The following LHX2 variants were observed in gnomAD, a reference collection of about 807,000 sequenced individuals.
LHX2 encodes LIM homeobox 2, also known as LIM/homeobox protein Lhx2.
In LHX2, 6 loss-of-function variants were observed where a neutral mutation model predicts 33.0. The ratio of observed to expected loss-of-function variants is 0.18; its 90% CI spans 0.10 to 0.36. The LOEUF is 0.36. LHX2 is among the 10% of genes least tolerant of loss of function. LHX2 has a pLI of 1.00. For synonymous variants in LHX2, 292 were observed against 253.1 expected (o/e 1.15, Z -1.46); for missense variants, 442 against 586.2 (o/e 0.75, Z 2.54).
Position 124,016,781 on chromosome 9 carries a change from G to A in LHX2, c.727+1256G>A, listed in dbSNP as rs933376350. Among the ~76,000 whole-genome samples, 13 of 152,042 alleles carry A rather than the reference G, an allele frequency of 8.6e-5. No individual in the cohort carries two copies. Among genetic ancestry groups the A allele is most frequent in the Admixed American group, 3.9e-4 (6 of 15,280 alleles). On this transcript the variant is annotated intron_variant, in intron 3 of 4. Transcript: ENST00000373615. The surrounding 1 kb of genome is among the most constrained non-coding windows in gnomAD (Gnocchi z 4.4). ...GCAGCGGTAGGCCGGTCGGTGGCGC[G>A]GATTTAAGATTTGCTGAAGGCACTA...
chr9:124,019,537 T>C (rs561843554), intron 3 of LHX2, among the ~76,000 whole-genome samples: 1 of 152,374 alleles, frequency 6.6e-6, no homozygotes, highest in African/African-American at 2.4e-5. Flanking sequence ...GAATTTTAGA[T>C]AAATGACAAT....
At chr9:124,030,274 G>A (rs1828688811) in intron 4 of LHX2, among the ~76,000 whole-genome samples, 1 of 152,248 alleles carries the variant, frequency 6.6e-6, no homozygotes, top group African/African-American at 2.4e-5. Flanking sequence ...GGGGTGCGTG[G>A]GGCCAGGAGT....
chr9:124,017,228 TTCTCTCTA>T (rs1349344676), intron 3 of LHX2, among the ~76,000 whole-genome samples: 4 of 152,134 alleles, frequency 2.6e-5, no homozygotes, highest in Non-Finnish European at 5.9e-5. Context: ...TCTCCGTCCT[TTCTCTCTA>T]TCTCTGTCTC....
chr9:124,032,752 A>G lies in LHX2; in HGVS notation c.*45A>G. The G allele has an allele frequency of 3.3e-6, 5 of 1,504,806 alleles. No individual in the cohort carries two copies. The highest frequency in any genetic ancestry group is 4.5e-6 in the Non-Finnish European group (5 of 1,120,764). The allele number at this position is 1,504,806 out of a possible 1,614,324, so 93.2% of individuals were successfully genotyped here. A position where few individuals can be genotyped will look rare whatever the true frequency, so the allele number is the denominator to read the frequency against. On this transcript the variant is annotated 3_prime_UTR_variant, in exon 5 of 5. Transcript: ENST00000373615. This position sits in a 1 kb window ranked among gnomAD's most constrained non-coding sequence, Gnocchi z 4.1. ...CCACAATTTCTTTAAAAAAGAAATTATCTTTAGTTGAATTCCAAGTGTATT... is the reference window on the plus strand; with the variant it reads ...CCACAATTTCTTTAAAAAAGAAATTGTCTTTAGTTGAATTCCAAGTGTATT...
chr9:124,020,393 C>T (rs569374411), intron 3 of LHX2, among the ~76,000 whole-genome samples: 2 of 152,146 alleles, frequency 1.3e-5, no homozygotes, highest in African/African-American at 4.8e-5. Context: ...TACAGGGTAG[C>T]GATGAGGATT....
chr9:124,012,378 G>A lies in LHX2; in HGVS notation c.30G>A (p.Glu10=). MLFHSLSGP[E]VHGVIDEMDR... ...TGTTCCACAGTCTGTCGGGCCCCGA[G>A]GTGCACGGGGTCATCGACGAGATGG... Residue 10 remains glutamate (E), a synonymous_variant, in exon 1 of 5, where the codon GAG becomes GAA. Coordinates refer to ENST00000373615, the MANE Select transcript of LHX2 (RefSeq NM_004789.4). This position sits in a 1 kb window ranked among gnomAD's most constrained non-coding sequence, Gnocchi z 4.3. The A allele has an allele frequency of 6.5e-7, 1 of 1,527,448 alleles. No homozygotes were observed. The highest frequency in any genetic ancestry group is 8.8e-7 in the Non-Finnish European group (1 of 1,141,864). The allele number at this position is 1,527,448 out of a possible 1,614,324, so 94.6% of individuals were successfully genotyped here.
chr9:124,025,871 G>A (rs914064927), intron 4 of LHX2, among the ~76,000 whole-genome samples: 1 of 152,094 alleles, frequency 6.6e-6, no homozygotes, highest in African/African-American at 2.4e-5. Flanking sequence ...TGTAGTCCCA[G>A]GTACTCGGGA....
At chr9:124,029,462 C>G (rs1366578098) in intron 4 of LHX2, among the ~76,000 whole-genome samples, 1 of 152,128 alleles carries the variant, frequency 6.6e-6, no homozygotes, top group Non-Finnish European at 1.5e-5. Context: ...CCACACAACC[C>G]CAGAGCAGCC....
chr9:124,025,385 G>T (rs4240484), intron 4 of LHX2, among the ~76,000 whole-genome samples: 3 of 148,284 alleles, frequency 2.0e-5, no homozygotes, highest in Non-Finnish European at 3.0e-5. Flanking sequence ...AGCTTGCAGT[G>T]AGCCAAGATT....
At chr9:124,024,353 C>G (rs1047864223) in intron 4 of LHX2, among the ~76,000 whole-genome samples, 3 of 152,268 alleles carry the variant, frequency 2.0e-5, no homozygotes, top group African/African-American at 7.2e-5. Context: ...GATACAGGAG[C>G]CAGGCATTGG....
At position 124,012,386 on chromosome 9, in the gene LHX2, G is replaced by A. The variant is rs1425252450; in HGVS notation, c.38G>A (p.Gly13Glu). 6.5e-7 allele frequency: 1 copy of A among 1,531,734 alleles called. No individual in the cohort carries two copies. The highest frequency in any genetic ancestry group is 8.7e-7 in the Non-Finnish European group (1 of 1,143,918). The allele number at this position is 1,531,734 out of a possible 1,614,324, so 94.9% of individuals were successfully genotyped here. A position where few individuals can be genotyped will look rare whatever the true frequency, so the allele number is the denominator to read the frequency against. Reference protein sequence around the residue: ...FHSLSGPEVHGVIDEMDRRAK... With the variant: ...FHSLSGPEVHEVIDEMDRRAK... ...AGTCTGTCGGGCCCCGAGGTGCACGGGGTCATCGACGAGATGGACCGCAGG... is the reference window on the plus strand; with the variant it reads ...AGTCTGTCGGGCCCCGAGGTGCACGAGGTCATCGACGAGATGGACCGCAGG... Residue 13 changes from glycine (G) to glutamate (E), a missense_variant, in exon 1 of 5, where the codon GGG becomes GAG. By Grantham distance (98) the Gly-to-Glu change is moderately conservative (BLOSUM62 -2). This residue lies in a region of LHX2 where 97 missense variants were observed against 81.5 expected (regional missense o/e 1.19). Coordinates refer to ENST00000373615, the MANE Select transcript of LHX2 (RefSeq NM_004789.4). The surrounding 1 kb of genome is among the most constrained non-coding windows in gnomAD (Gnocchi z 4.3).
intron 4 of LHX2, among the ~76,000 whole-genome samples, chr9:124,022,217 C>T (rs1304459230): frequency 6.6e-6 from 1 of 152,138 alleles, no homozygotes; most frequent in African/African-American, 2.4e-5. Context: ...AGCCTGTTTC[C>T]TCATACAAGA....
rs1222197399 is a variant in LHX2 at position 124,032,527 on chromosome 9, G to A, written c.1041G>A (p.Ser347=). ...CGGCGCTGCAGACAGGGACGCCATC[G>A]GGCCCGGCCTCGGAGCTCTCCAACG... ...TDAALQTGTP[S]GPASELSNAS... Residue 347 remains serine, a synonymous_variant, in exon 5 of 5, where the codon TCG becomes TCA. Coordinates refer to ENST00000373615, the MANE Select transcript of LHX2 (RefSeq NM_004789.4). The surrounding 1 kb of genome is among the most constrained non-coding windows in gnomAD (Gnocchi z 4.1). 6 of 1,613,886 alleles carry A rather than the reference G, an allele frequency of 3.7e-6. No homozygotes were observed. Among genetic ancestry groups the A allele is most frequent in the South Asian group, 2.2e-5 (2 of 91,068 alleles).
chr9:124,013,559 C>T (rs964161040), intron 1 of LHX2, among the ~76,000 whole-genome samples: 8 of 152,336 alleles, frequency 5.3e-5, no homozygotes, highest in African/African-American at 1.9e-4. Context: ...TTAATGGTCA[C>T]CTTATCCCCC....
intron 3 of LHX2, among the ~76,000 whole-genome samples, chr9:124,019,228 C>T (rs535000365): frequency 6.6e-6 from 1 of 152,304 alleles, no homozygotes; most frequent in African/African-American, 2.4e-5. Flanking sequence ...TGGAAAGAGG[C>T]CCCTAGGAGG....
chr9:124,012,385 G>A lies in LHX2; in HGVS notation c.37G>A (p.Gly13Arg). ...CAGTCTGTCGGGCCCCGAGGTGCAC[G>A]GGGTCATCGACGAGATGGACCGCAG... ...FHSLSGPEVH[G>R]VIDEMDRRAK... is the part of the protein sequence containing the mutation. The change falls in exon 1 of 5, where the codon GGG becomes AGG. Residue 13 changes from glycine (G) to arginine (R), a missense_variant. By Grantham distance (125) the Gly-to-Arg change is moderately radical. Coordinates refer to ENST00000373615, the MANE Select transcript of LHX2 (RefSeq NM_004789.4). The surrounding 1 kb of genome is among the most constrained non-coding windows in gnomAD (Gnocchi z 4.3). 1 of 1,531,076 alleles carries A rather than the reference G, an allele frequency of 6.5e-7. No homozygotes were observed. Among genetic ancestry groups the A allele is most frequent in the Non-Finnish European group, 8.7e-7 (1 of 1,143,626 alleles). The allele number at this position is 1,531,076 out of a possible 1,614,324, so 94.8% of individuals were successfully genotyped here. A position where few individuals can be genotyped will look rare whatever the true frequency, so the allele number is the denominator to read the frequency against.
At chr9:124,025,440 C>CAAAAA (rs71999375) in intron 4 of LHX2, among the ~76,000 whole-genome samples, 1 of 104,334 alleles carries the variant, frequency 9.6e-6, no homozygotes, top group Non-Finnish European at 1.9e-5. Flanking sequence ...GACTCTGTCT[C>CAAAAA]AAAAAAAAAA....
chr9:124,027,979 T>C (rs1275005293), intron 4 of LHX2, among the ~76,000 whole-genome samples: 1 of 152,220 alleles, frequency 6.6e-6, no homozygotes, highest in East Asian at 1.9e-4. Context: ...GGCTGTGTCA[T>C]GACTCCCACT....
chr9:124,026,100 A>G (rs954424699), intron 4 of LHX2, among the ~76,000 whole-genome samples: 1 of 152,304 alleles, frequency 6.6e-6, no homozygotes, highest in East Asian at 1.9e-4. Context: ...TGTTTGACAG[A>G]TATATTGACC....
Sources: allele counts gnomAD v4.1 joint callset (sites outside exome capture counted in the v4.1 genomes callset), GRCh38; gene constraint gnomAD v4.1.1; regional missense constraint gnomAD v4.1.1; non-coding constraint Gnocchi (gnomAD v3.1); transcripts MANE v1.5; gene names NCBI Gene and HGNC (gene_info 2026-07-23, HGNC 2026-07-21).